TAFA2: variants seen among roughly 807,000 people sequenced by gnomAD.
The protein encoded by TAFA2 is chemokine-like protein TAFA-2.
Under a neutral mutation model 18.8 loss-of-function variants are expected in TAFA2, and 7 were observed. The ratio of observed to expected loss-of-function variants is 0.37; its 90% CI spans 0.21 to 0.70. TAFA2 has a LOEUF of 0.70. Among genes scored for constraint, TAFA2 ranks in the 30% least tolerant of loss-of-function variants. The probability of loss-of-function intolerance (pLI) is 0.53; values close to 1 mark genes in which losing one functional copy is unlikely to be tolerated. For missense variants in TAFA2, 122 were observed against 158.1 expected (o/e 0.77, Z 1.23); for synonymous variants, 60 against 54.2 (o/e 1.11, Z -0.47).
intron 1 of TAFA2, among the ~76,000 whole-genome samples, chr12:61,940,925 A>G (rs1877977953): frequency 6.6e-6 from 1 of 152,216 alleles, no homozygotes; most frequent in African/African-American, 2.4e-5. Context: ...AGATTATCCA[A>G]GATAGGAGCC....
At chr12:62,085,927 G>T (rs181814847) in intron 1 of TAFA2, among the ~76,000 whole-genome samples, 3 of 152,124 alleles carry the variant, frequency 2.0e-5, no homozygotes, top group East Asian at 3.9e-4. Context: ...GAGATCTGAT[G>T]GTTTAAAAGA....
At chr12:61,863,396 C>T (rs1339711903) in intron 2 of TAFA2, among the ~76,000 whole-genome samples, 2 of 152,282 alleles carry the variant, frequency 1.3e-5, no homozygotes, top group Admixed American at 6.5e-5. Flanking sequence ...TGTATAAGTA[C>T]AGCAGCAAGA....
chr12:62,202,173 T>A (rs2062673652), intron 1 of TAFA2, among the ~76,000 whole-genome samples: 1 of 152,036 alleles, frequency 6.6e-6, no homozygotes, highest in Admixed American at 6.6e-5. Flanking sequence ...TTATTAATTT[T>A]TTTCAAAAAA....
intron 2 of TAFA2, among the ~76,000 whole-genome samples, chr12:61,824,450 A>G (rs894700106): frequency 5.9e-5 from 9 of 152,178 alleles, no homozygotes; most frequent in African/African-American, 2.2e-4. Context: ...CTTCATTCCC[A>G]CATTTTGTAT....
chr12:61,775,439 A>T (rs1004209291), intron 2 of TAFA2, among the ~76,000 whole-genome samples: 3 of 151,854 alleles, frequency 2.0e-5, no homozygotes, highest in Admixed American at 6.6e-5. Flanking sequence ...TGTGGTACAT[A>T]CAGACAATGG....
chr12:61,823,353 TG>T, intron 2 of TAFA2, among the ~76,000 whole-genome samples: 1 of 152,148 alleles, frequency 6.6e-6, no homozygotes, highest in African/African-American at 2.4e-5. Context: ...GTTTACTCTG[TG>T]ATATCAATTT....
rs1555195551 is a variant in TAFA2, at chr12:62,168,945, T to TAAACACAC, written c.-2+22313_-2+22314insGTGTGTTT. On this transcript the variant is annotated intron_variant, in intron 1 of 4. Coordinates refer to ENST00000416284, the MANE Select transcript of TAFA2 (RefSeq NM_178539.5). Reference sequence around the variant, plus strand: ...CACTCTCTCATTCTCACTCACTCTCTACACACACACACACACACACACACA... The same window carrying TAAACACAC: ...CACTCTCTCATTCTCACTCACTCTCTAAACACACACACACACACACACACACACACACA... Among the ~76,000 whole-genome samples the TAAACACAC allele has an allele frequency of 2.7e-5, 4 of 148,940 alleles. No individual in the cohort carries two copies. In the South Asian group the frequency reaches 8.6e-4, roughly 32 times the overall value.
intron 1 of TAFA2, among the ~76,000 whole-genome samples, chr12:61,964,090 A>G (rs918155636): frequency 7.2e-5 from 11 of 152,034 alleles, no homozygotes; most frequent in African/African-American, 2.7e-4. Context: ...TGGATTAAAG[A>G]CTTAAACGTA....
chr12:61,917,984 T>G (rs1175354539), intron 1 of TAFA2, among the ~76,000 whole-genome samples: 1 of 152,156 alleles, frequency 6.6e-6, no homozygotes, highest in African/African-American at 2.4e-5. Flanking sequence ...TACATGTTCA[T>G]GTGTTGGGTA....
Position 61,835,904 on chromosome 12 carries a change from G to A in TAFA2, c.106+31416C>T, listed in dbSNP as rs546846560. ...GATAAGAGACAGCACCCACACTTAAGCAGCCTTCAGTTCAGCAGGGGATAT... is the reference window on the plus strand; with the variant it reads ...GATAAGAGACAGCACCCACACTTAAACAGCCTTCAGTTCAGCAGGGGATAT... On this transcript the variant is annotated intron_variant, in intron 2 of 4. Coordinates refer to ENST00000416284, the MANE Select transcript of TAFA2 (RefSeq NM_178539.5). Among the ~76,000 whole-genome samples, 42 of 151,964 alleles carry A rather than the reference G, an allele frequency of 2.8e-4. No homozygotes were observed. The South Asian group carries it at 8.7e-3, about 32-fold the overall frequency.
At chr12:61,923,319 C>A (rs571788512) in intron 1 of TAFA2, among the ~76,000 whole-genome samples, 4 of 152,308 alleles carry the variant, frequency 2.6e-5, no homozygotes, top group East Asian at 1.9e-4. Flanking sequence ...CAGGGGTCAA[C>A]AAATACCTCA....
intron 1 of TAFA2, among the ~76,000 whole-genome samples, chr12:62,022,675 C>T (rs2136732338): frequency 6.6e-6 from 1 of 152,268 alleles, no homozygotes; most frequent in African/African-American, 2.4e-5. Context: ...CTTTCTAGTG[C>T]TCAAATCACA....
intron 1 of TAFA2, among the ~76,000 whole-genome samples, chr12:61,886,902 C>A (rs1018875974): frequency 1.3e-5 from 2 of 152,158 alleles, no homozygotes; most frequent in Non-Finnish European, 2.9e-5. Context: ...ACTCAAACCC[C>A]AGCTTTGACA....
chr12:61,970,923 A>C (rs887779579), intron 1 of TAFA2, among the ~76,000 whole-genome samples: 1 of 151,684 alleles, frequency 6.6e-6, no homozygotes, highest in Non-Finnish European at 1.5e-5. Context: ...TTTCTTCTGG[A>C]ATATCTGTAT....
chr12:61,753,777 T>C lies in TAFA2; in HGVS notation c.260-31A>G, dbSNP rs1592366712. 4 of 1,580,880 alleles carry C rather than the reference T, an allele frequency of 2.5e-6. No homozygotes were observed. In the East Asian group the frequency reaches 9.1e-5, roughly 36 times the overall value. On this transcript the variant is annotated intron_variant, in intron 3 of 4. Coordinates refer to ENST00000416284, the MANE Select transcript of TAFA2 (RefSeq NM_178539.5). Reference sequence around the variant, plus strand: ...AGAGAGAAAAAAAATTGACTCAACATTTTTTTCTTGGGACTTATTTCTCTT... The same window carrying C: ...AGAGAGAAAAAAAATTGACTCAACACTTTTTTCTTGGGACTTATTTCTCTT...
At chr12:62,087,788 G>T (rs1259720245) in intron 1 of TAFA2, among the ~76,000 whole-genome samples, 1 of 152,080 alleles carries the variant, frequency 6.6e-6, no homozygotes, top group East Asian at 1.9e-4. Flanking sequence ...TCATAAGAGG[G>T]CAAGAGTTGA....
At chr12:61,998,842 C>A (rs11174270) in intron 1 of TAFA2, among the ~76,000 whole-genome samples, 1 of 152,344 alleles carries the variant, frequency 6.6e-6, no homozygotes, top group Middle Eastern at 3.4e-3. Flanking sequence ...ATTCTACCAA[C>A]TGCAGGGAAG....
intron 1 of TAFA2, among the ~76,000 whole-genome samples, chr12:62,011,963 C>T (rs1880785018): frequency 1.3e-5 from 2 of 152,136 alleles, no homozygotes; most frequent in South Asian, 2.1e-4. Context: ...ATCATAAGCA[C>T]TAATAGGGAT....
chr12:61,794,943 AG>A (rs1201118639), intron 2 of TAFA2, among the ~76,000 whole-genome samples: 2 of 152,228 alleles, frequency 1.3e-5, no homozygotes, highest in Non-Finnish European at 2.9e-5. Context: ...ACTTCTCAAA[AG>A]AAGACATTTA....
Sources: gnomAD v4.1 joint callset for allele counts (sites outside exome capture counted in the v4.1 genomes callset) on GRCh38, gnomAD v4.1.1 for gene constraint, MANE v1.5 for transcripts, NCBI Gene and HGNC (gene_info 2026-07-23, HGNC 2026-07-21) for gene names.